The following DUOX1 variants were observed in gnomAD, a reference collection of about 807,000 sequenced individuals.
DUOX1 encodes NADPH thyroid oxidase 1.
DUOX1 carries 134 observed loss-of-function variants against 181.8 expected under a neutral mutation model. The observed-to-expected ratio is 0.74, with a 90% CI of 0.64 to 0.85. The LOEUF is 0.85. DUOX1 is among the 40% of genes least tolerant of loss of function. The probability of loss-of-function intolerance (pLI) is 0.00; values close to 1 mark genes in which losing one functional copy is unlikely to be tolerated. For synonymous variants in DUOX1, 798 were observed against 832.5 expected (o/e 0.96, Z 0.71); for missense variants, 1,814 against 2,064.4 (o/e 0.88, Z 2.35).
chr15:45,151,142 G>A lies in DUOX1; in HGVS notation c.2908G>A (p.Ala970Thr), dbSNP rs1279064461. 6.2e-7 allele frequency: 1 copy of A among 1,614,138 alleles called. No homozygotes were observed. Among genetic ancestry groups the A allele is most frequent in the Non-Finnish European group, 8.5e-7 (1 of 1,180,014 alleles). Residue 970 changes from alanine (A) to threonine (T), a missense_variant, in exon 23 of 34, where the codon GCC (alanine) becomes ACC (threonine). This residue lies in a region of DUOX1 where 1,064 missense variants were observed against 1,152.9 expected (regional missense o/e 0.92). Transcript: ENST00000389037. The stretch of plus-strand genomic sequence containing the variant: ...TCTTAGTCCCTCTCCCAGAGTGAGT[G>A]CCCGCTGTTCCCGCAGCGACATTGA... Reference protein sequence around the residue: ...DMICPSPRVSARCSRSDIETE... With the variant: ...DMICPSPRVSTRCSRSDIETE...
At chr15:45,135,448 G>T (rs762713710) in intron 5 of DUOX1, 26 bp from the exon 6 acceptor site, 176 of 1,543,018 alleles carry the variant, frequency 1.1e-4, no homozygotes, top group Non-Finnish European at 1.5e-4. Context: ...CCATCGACCC[G>T]GGCTCACCCG....
chr15:45,132,716 A>G (rs1247614905), intron 2 of DUOX1, among the ~76,000 whole-genome samples: 1 of 152,174 alleles, frequency 6.6e-6, no homozygotes, highest in East Asian at 1.9e-4. Flanking sequence ...CCCTTGCCAG[A>G]GCTACTCACA....
chr15:45,146,761 G>A (rs1896666244), intron 18 of DUOX1, among the ~76,000 whole-genome samples: 1 of 152,162 alleles, frequency 6.6e-6, no homozygotes, highest in Non-Finnish European at 1.5e-5. Flanking sequence ...CAGACTTGGA[G>A]TAGGCACCTC....
chr15:45,153,532 GTGTGTGTGTGTGTGTA>G (rs761348235), intron 26 of DUOX1, 53 bp downstream of exon 26: 72,100 of 628,954 alleles, frequency 0.11, 6,683 homozygotes, highest in African/African-American at 0.14. Context: ...GTGTGTGTGT[GTGTGTGTGTGTGTGTA>G]TAATGGGGAG....
Position 45,164,296 on chromosome 15 carries a change from G to A in DUOX1, c.4533+378G>A, listed in dbSNP as rs1897176163. On this transcript the variant is annotated intron_variant, in intron 33 of 33. Transcript: ENST00000389037. ...GGGCTAGTCACTACTCACAAATACT[G>A]GTCTAGCCCTCCATGAGACCCTGAG... Among the ~76,000 whole-genome samples, 4 of 152,094 alleles carry A rather than the reference G, an allele frequency of 2.6e-5. No homozygotes were observed. The South Asian group carries it at 8.3e-4, about 31-fold the overall frequency.
intron 9 of DUOX1, 49 bp from the exon 10 acceptor site, chr15:45,137,875 T>G: frequency 6.9e-7 from 1 of 1,455,348 alleles, no homozygotes; most frequent in Non-Finnish European, 9.4e-7. Context: ...ATGCCTGACA[T>G]TATAACCCCA....
intron 6 of DUOX1, 24 bp downstream of exon 6, chr15:45,135,699 G>T (rs1408419017): frequency 6.9e-6 from 10 of 1,446,530 alleles, no homozygotes; most frequent in Non-Finnish European, 9.1e-6. Context: ...GGCGGGACGG[G>T]GCCGGCTGGG....
rs1352663063 is a variant in DUOX1, at chr15:45,138,072, GTGTGTA to G, written c.1113+64_1113+69del. On this transcript the variant is annotated intron_variant, in intron 10 of 33. Transcript: ENST00000389037. The stretch of plus-strand genomic sequence containing the variant: ...TGTGTGTGTGCATGCTTATGTGTGT[GTGTGTA>G]TGTGTGTGTGTGTGTGTGTGTGTGT... 1.1e-4 allele frequency: 114 copies of G among 995,634 alleles called. No homozygotes were observed. The African/African-American group carries it at 1.9e-3, about 17-fold the overall frequency. 61.7% of individuals were successfully genotyped at this position (995,634 alleles called of 1,614,324 possible).
At chr15:45,134,089 G>C in intron 3 of DUOX1, 56 bp from the exon 4 acceptor site, 1 of 1,536,514 alleles carries the variant, frequency 6.5e-7, no homozygotes, top group South Asian at 1.3e-5. Flanking sequence ...CTGGGAGAGA[G>C]GGGGTCAAGA....
chr15:45,135,130 A>G lies in DUOX1; in HGVS notation c.334A>G (p.Ser112Gly). ...CTATCACGTGCTTTCAGACCTGGTG[A>G]GCGTGGAAACTCCCGGCTGCCCCGC... is the stretch of plus-strand genomic sequence containing the variant. ...FGYHVLSDLV[S>G]VETPGCPAEF... Residue 112 changes from serine to glycine, a missense_variant, in exon 5 of 34, where the codon AGC becomes GGC. This residue lies in a region of DUOX1 where 320 missense variants were observed against 313.1 expected (regional missense o/e 1.02). Coordinates refer to ENST00000389037, the MANE Select transcript of DUOX1 (RefSeq NM_175940.3). The G allele has an allele frequency of 6.2e-7, 1 of 1,613,588 alleles. No individual in the cohort carries two copies. The highest frequency in any genetic ancestry group is 8.5e-7 in the Non-Finnish European group (1 of 1,179,858).
chr15:45,137,796 C>T (rs547679428), intron 9 of DUOX1, 128 bp from the exon 10 acceptor site: 147 of 695,464 alleles, frequency 2.1e-4, no homozygotes, highest in East Asian at 1.1e-3. Context: ...TGCTAAGGTC[C>T]GAACCACACA....
chr15:45,140,971 G>A lies in DUOX1; in HGVS notation c.1466G>A (p.Ser489Asn), dbSNP rs1446114888. 1.2e-6 allele frequency: 2 copies of A among 1,614,148 alleles called. No homozygotes were observed. Among genetic ancestry groups the A allele is most frequent in the South Asian group, 1.1e-5 (1 of 91,076 alleles). Reference sequence around the variant, plus strand: ...CTGCTCCCTGGGGGACTCCTGGAGAGCCACCGGGACCCTGGACCTCTGTTC... The same window carrying A: ...CTGCTCCCTGGGGGACTCCTGGAGAACCACCGGGACCCTGGACCTCTGTTC... ...LELLPGGLLE[S>N]HRDPGPLFST... The change falls in exon 13 of 34, where the codon AGC becomes AAC. Residue 489 changes from serine (S) to asparagine (N), a missense_variant. Physicochemically the swap from Ser to Asn is conservative, Grantham distance 46. Around this residue, in one of 5 missense-constraint regions of DUOX1, gnomAD observed 1,064 missense variants for 1,152.9 expected, o/e 0.92. Coordinates refer to ENST00000389037, the MANE Select transcript of DUOX1 (RefSeq NM_175940.3).
chr15:45,133,827 A>G, intron 2 of DUOX1, 37 bp from the exon 3 acceptor site: 1 of 1,595,762 alleles, frequency 6.3e-7, no homozygotes, highest in Non-Finnish European at 8.6e-7. Flanking sequence ...TCACGCACTG[A>G]CTTGCCCAGC....
At chr15:45,144,474 C>A (rs1232144864) in intron 17 of DUOX1, among the ~76,000 whole-genome samples, 1 of 152,254 alleles carries the variant, frequency 6.6e-6, no homozygotes, top group East Asian at 1.9e-4. Flanking sequence ...CAACCACAGT[C>A]TGCCTCCTCC....
At position 45,144,166 on chromosome 15, in the gene DUOX1, C is replaced by T; in HGVS notation, c.2067C>T (p.Val689=). The T allele has an allele frequency of 5.0e-6, 8 of 1,614,164 alleles. No individual in the cohort carries two copies. Among genetic ancestry groups the T allele is most frequent in the Non-Finnish European group, 6.8e-6 (8 of 1,180,054 alleles). Residue 689 remains valine, a synonymous_variant, in exon 17 of 34, where the codon GTC becomes GTT. Transcript: ENST00000389037. ...RTIQLQPPQK[V]NFVLSSNRGR... is the part of the protein sequence containing the mutation. Reference sequence around the variant, plus strand: ...TCCAGCTGCAGCCTCCACAGAAGGTCAACTTCGTCCTGTCCAGCAACCGTG... The same window carrying T: ...TCCAGCTGCAGCCTCCACAGAAGGTTAACTTCGTCCTGTCCAGCAACCGTG...
intron 24 of DUOX1, 111 bp downstream of exon 24, chr15:45,152,163 T>G: frequency 6.7e-7 from 1 of 1,484,594 alleles, no homozygotes; most frequent in Non-Finnish European, 9.1e-7. Context: ...GTGGAGCCTG[T>G]CTGAGTGAAG....
rs1192455005 is a variant in DUOX1, at chr15:45,135,763, G to A, written c.698-19G>A. Reference sequence around the variant, plus strand: ...CGCTACCGCTCGTCTCCTCCCCTGCGCCCCCACGTCGGATGCAGCCTTCGG... The same window carrying A: ...CGCTACCGCTCGTCTCCTCCCCTGCACCCCCACGTCGGATGCAGCCTTCGG... On this transcript the variant is annotated intron_variant, in intron 6 of 33. Coordinates refer to ENST00000389037, the MANE Select transcript of DUOX1 (RefSeq NM_175940.3). 5.6e-6 allele frequency: 8 copies of A among 1,431,906 alleles called. No homozygotes were observed. The highest frequency in any genetic ancestry group is 1.4e-5 in the South Asian group (1 of 69,016). The allele number at this position is 1,431,906 out of a possible 1,614,324, so 88.7% of individuals were successfully genotyped here.
At chr15:45,150,761 T>TG in intron 22 of DUOX1, 60 bp downstream of exon 22, 16 of 1,536,036 alleles carry the variant, frequency 1.0e-5, no homozygotes, top group Non-Finnish European at 1.4e-5. Context: ...TTCTCTCCCC[T>TG]GAATGGCTGG....
chr15:45,144,126 C>T lies in DUOX1; in HGVS notation c.2027C>T (p.Thr676Ile). ...ATCCGTGTGGTAGATGGCAGGCTCACCGTGCTCCGCACCATCCAGCTGCAG... is the reference window on the plus strand; with the variant it reads ...ATCCGTGTGGTAGATGGCAGGCTCATCGTGCTCCGCACCATCCAGCTGCAG... The part of the protein sequence containing the change: ...GQIRVVDGRL[T>I]VLRTIQLQPP... The change falls in exon 17 of 34, where the codon ACC becomes ATC. Residue 676 changes from threonine to isoleucine, a missense_variant. Physicochemically the swap from Thr to Ile is moderately conservative, Grantham distance 89. Around this residue, in one of 5 missense-constraint regions of DUOX1, gnomAD observed 1,064 missense variants for 1,152.9 expected, o/e 0.92. Transcript: ENST00000389037. 1 of 1,614,066 alleles carries T rather than the reference C, an allele frequency of 6.2e-7. No individual in the cohort carries two copies. The highest frequency in any genetic ancestry group is 8.5e-7 in the Non-Finnish European group (1 of 1,180,056).
Sources: allele counts gnomAD v4.1 joint callset (sites outside exome capture counted in the v4.1 genomes callset), GRCh38; gene constraint gnomAD v4.1.1; regional missense constraint gnomAD v4.1.1; transcripts MANE v1.5; gene names NCBI Gene and HGNC (gene_info 2026-07-23, HGNC 2026-07-21).